The following MAPK8IP3 variants were observed in gnomAD, a reference collection of about 807,000 sequenced individuals.
MAPK8IP3 encodes C-Jun-amino-terminal kinase-interacting protein 3.
Under a neutral mutation model 157.8 loss-of-function variants are expected in MAPK8IP3, and 49 were observed. The observed-to-expected ratio is 0.31, with a 90% CI of 0.25 to 0.39. The LOEUF (loss-of-function observed/expected upper bound fraction) is 0.39. MAPK8IP3 is among the 10% of genes least tolerant of loss of function. The pLI is 1.00. For synonymous variants in MAPK8IP3, 897 were observed against 777.7 expected, an observed-to-expected ratio of 1.15 and a Z score of -2.55; for missense variants, 1,478 against 1,889.4, an observed-to-expected ratio of 0.78 and a Z score of 4.04.
At chr16:1,728,495 G>A (rs2039052410) in intron 2 of MAPK8IP3, among the ~76,000 whole-genome samples, 1 of 152,234 alleles carries the variant, frequency 6.6e-6, no homozygotes, top group South Asian at 2.1e-4. Context: ...AGCACAGAGA[G>A]CGCCTGTGGG....
rs534887060 is a variant in MAPK8IP3, at chr16:1,724,365, A to G, written c.319-192A>G. ...TCCCGCCCTGCCCTCATGGCTCCTC[A>G]CTGTGCCTGAGGAGGGTGGTGGCCA... is the stretch of plus-strand genomic sequence containing the variant. On this transcript the variant is annotated intron_variant, in intron 1 of 31. Coordinates refer to ENST00000610761, the MANE Select transcript of MAPK8IP3 (RefSeq NM_001318852.2). The surrounding 1 kb of genome is among the most constrained non-coding windows in gnomAD (Gnocchi z 4.1). 6.6e-6 allele frequency among the ~76,000 whole-genome samples: 1 copy of G among 152,266 alleles called. No individual in the cohort carries two copies. The highest frequency in any genetic ancestry group is 2.1e-4 in the South Asian group (1 of 4,830).
chr16:1,730,610 A>G (rs1251498946), intron 4 of MAPK8IP3, among the ~76,000 whole-genome samples: 1 of 151,736 alleles, frequency 6.6e-6, no homozygotes, highest in East Asian at 1.9e-4. Context: ...TTGGGAGGGC[A>G]AGGAGGGCGG....
Position 1,765,986 on chromosome 16 carries a change from G to T in MAPK8IP3, c.2473G>T (p.Gly825Trp). 1.2e-6 allele frequency: 2 copies of T among 1,612,534 alleles called. No homozygotes were observed. The highest frequency in any genetic ancestry group is 8.5e-7 in the Non-Finnish European group (1 of 1,179,828). Residue 825 changes from glycine to tryptophan, a missense_variant, in exon 21 of 32, where the codon GGG (glycine) becomes TGG (tryptophan). Coordinates refer to ENST00000610761, the MANE Select transcript of MAPK8IP3 (RefSeq NM_001318852.2). The part of the protein sequence containing the change: ...PAASDSDYPP[G>W]EMFLDSDVNP... Reference sequence around the variant, plus strand: ...GGCCAGCGACAGCGACTACCCTCCCGGGGAGATGTTCCTGGACAGCGACGT... The same window carrying T: ...GGCCAGCGACAGCGACTACCCTCCCTGGGAGATGTTCCTGGACAGCGACGT...
intron 4 of MAPK8IP3, among the ~76,000 whole-genome samples, chr16:1,739,554 C>A (rs1369817036): frequency 1.1e-5 from 1 of 93,202 alleles, no homozygotes; most frequent in Non-Finnish European, 2.1e-5. Context: ...GTGTGAGCAT[C>A]TGTGTGACCG....
chr16:1,731,471 A>G (rs1159948485), intron 4 of MAPK8IP3, among the ~76,000 whole-genome samples: 1 of 152,168 alleles, frequency 6.6e-6, no homozygotes, highest in Non-Finnish European at 1.5e-5. Context: ...TTCACCTCCT[A>G]CCCAGATGCC....
At position 1,768,613 on chromosome 16, in the gene MAPK8IP3, C is replaced by T. The variant is rs1309334365; in HGVS notation, c.3879C>T (p.Ile1293=). 11 of 1,596,820 alleles carry T rather than the reference C, an allele frequency of 6.9e-6. No individual in the cohort carries two copies. Among genetic ancestry groups the T allele is most frequent in the East Asian group, 2.3e-5 (1 of 44,218 alleles). Residue 1293 remains isoleucine, a synonymous_variant, in exon 31 of 32, where the codon ATC becomes ATT. Coordinates refer to ENST00000610761, the MANE Select transcript of MAPK8IP3 (RefSeq NM_001318852.2). The stretch of plus-strand genomic sequence containing the variant: ...TGCTGAGCGGCGGGGAGGGCTACAT[C>T]GACTTCCGCATTGGTGAGCGGGGCC... The part of the protein sequence containing the change: ...VLVLSGGEGY[I]DFRIGDGEDD...
intron 2 of MAPK8IP3, among the ~76,000 whole-genome samples, chr16:1,726,285 T>C (rs2038874275): frequency 2.6e-5 from 4 of 152,192 alleles, no homozygotes; most frequent in Non-Finnish European, 4.4e-5. Flanking sequence ...TGCCTTTCCA[T>C]AATTACAGAG....
intron 8 of MAPK8IP3, among the ~76,000 whole-genome samples, chr16:1,752,941 C>G (rs1186966138): frequency 6.6e-6 from 1 of 152,204 alleles, no homozygotes; most frequent in Non-Finnish European, 1.5e-5. Flanking sequence ...ATGTCCAGCT[C>G]AGCTGCAGAA....
rs371913796 is a variant in MAPK8IP3, at chr16:1,768,859, G to T, written c.*35G>T. ...CCTGCCTGGCCCGACCTGTACATAG[G>T]ACCCCCGACCACCTGACCCCCGCCC... On this transcript the variant is annotated 3_prime_UTR_variant, in exon 32 of 32. Transcript: ENST00000610761. The T allele has an allele frequency of 1.7e-5, 28 of 1,603,214 alleles. No individual in the cohort carries two copies. In the African/African-American group the frequency reaches 3.5e-4, roughly 20 times the overall value.
chr16:1,726,078 G>C (rs2038859770), intron 2 of MAPK8IP3, among the ~76,000 whole-genome samples: 2 of 152,208 alleles, frequency 1.3e-5, no homozygotes, highest in Admixed American at 6.5e-5. Context: ...GATCAAATTT[G>C]GGAAAGAAAC....
chr16:1,761,204 C>T lies in MAPK8IP3; in HGVS notation c.1458-20C>T, dbSNP rs759597096. 1 of 1,609,010 alleles carries T rather than the reference C, an allele frequency of 6.2e-7. No homozygotes were observed. Among genetic ancestry groups the T allele is most frequent in the Admixed American group, 1.7e-5 (1 of 60,014 alleles). Reference sequence around the variant, plus strand: ...CCCTGGGAGGCCCTCACCCTCCCTGCCTCCTTCCCCTTCCCACAGAGTGAA... The same window carrying T: ...CCCTGGGAGGCCCTCACCCTCCCTGTCTCCTTCCCCTTCCCACAGAGTGAA... On this transcript the variant is annotated intron_variant, in intron 12 of 31. Transcript: ENST00000610761.
At chr16:1,733,273 C>A (rs901068492) in intron 4 of MAPK8IP3, among the ~76,000 whole-genome samples, 1 of 152,174 alleles carries the variant, frequency 6.6e-6, no homozygotes, top group Non-Finnish European at 1.5e-5. Context: ...GTGCCCAGCT[C>A]ATCCCAGATC....
In MAPK8IP3 at chr16:1,743,428, C is replaced by G; in HGVS notation, c.699C>G (p.His233Gln). 6.2e-7 allele frequency: 1 copy of G among 1,609,778 alleles called. No homozygotes were observed. The highest frequency in any genetic ancestry group is 8.5e-7 in the Non-Finnish European group (1 of 1,178,576). The change falls in exon 5 of 32, where the codon CAC (histidine) becomes CAG (glutamine). Residue 233 changes from histidine (H) to glutamine (Q), a missense_variant. Transcript: ENST00000610761. This position sits in a 1 kb window ranked among gnomAD's most constrained non-coding sequence, Gnocchi z 5.6. ...GCAAGCTCGTGCCTGCGGGGGACCACTGGCACCTGAGTGACCTCGGCCAGC... is the reference window on the plus strand; with the variant it reads ...GCAAGCTCGTGCCTGCGGGGGACCAGTGGCACCTGAGTGACCTCGGCCAGC... ...IGGKLVPAGD[H>Q]WHLSDLGQLQ...
At chr16:1,765,377 C>T (rs1397700329) in intron 20 of MAPK8IP3, among the ~76,000 whole-genome samples, 199 bp downstream of exon 20, 5 of 152,196 alleles carry the variant, frequency 3.3e-5, no homozygotes, top group Non-Finnish European at 7.3e-5. Context: ...GCGGCAGCCT[C>T]GGCCTCTTCT....
chr16:1,767,282 G>A lies in MAPK8IP3; in HGVS notation c.3222G>A (p.Lys1074=), dbSNP rs753393740. Residue 1074 remains lysine, a synonymous_variant, in exon 26 of 32, where the codon AAG becomes AAA. Coordinates refer to ENST00000610761, the MANE Select transcript of MAPK8IP3 (RefSeq NM_001318852.2). Reference sequence around the variant, plus strand: ...ACAAGGTGCACGTCATCCAGCCCAAGACCATGCAGATAGAGGCGAGTGCCG... The same window carrying A: ...ACAAGGTGCACGTCATCCAGCCCAAAACCATGCAGATAGAGGCGAGTGCCG... The part of the protein sequence containing the change: ...YKNKVHVIQP[K]TMQIEKSFDA... 1.9e-6 allele frequency: 3 copies of A among 1,613,268 alleles called. No homozygotes were observed. The highest frequency in any genetic ancestry group is 2.5e-6 in the Non-Finnish European group (3 of 1,179,996).
intron 26 of MAPK8IP3, 23 bp downstream of exon 26, chr16:1,767,320 G>A (rs1456304718): frequency 6.2e-7 from 1 of 1,611,946 alleles, no homozygotes; most frequent in Non-Finnish European, 8.5e-7. Context: ...CAGGGCCCCG[G>A]GGAGGGGAAG....
At chr16:1,748,813 T>A (rs776889640) in intron 8 of MAPK8IP3, 93 bp downstream of exon 8, 5 of 1,155,220 alleles carry the variant, frequency 4.3e-6, no homozygotes, top group Non-Finnish European at 6.6e-6. Context: ...AAGTCCTCTG[T>A]CAGCTGTGAG....
Position 1,760,323 on chromosome 16 carries a change from C to T in MAPK8IP3, c.1305-57C>T, listed in dbSNP as rs542439684. ...AAGTGCAGGCGCCCCTGGCAAGGCC[C>T]CTTCACGTACCTGTATGCCGCGCCC... On this transcript the variant is annotated intron_variant, in intron 11 of 31. Transcript: ENST00000610761. 3 of 1,562,368 alleles carry T rather than the reference C, an allele frequency of 1.9e-6. No homozygotes were observed. In the African/African-American group the frequency reaches 4.1e-5, roughly 21 times the overall value.
At chr16:1,767,447 G>A in intron 26 of MAPK8IP3, 117 bp from the exon 27 acceptor site, 2 of 1,503,802 alleles carry the variant, frequency 1.3e-6, no homozygotes, top group Non-Finnish European at 1.8e-6. Flanking sequence ...GCGCAAAGCA[G>A]GCGCTGGCTG....
Sources: gnomAD v4.1 joint callset for allele counts (sites outside exome capture counted in the v4.1 genomes callset) on GRCh38, gnomAD v4.1.1 for gene constraint, Gnocchi (gnomAD v3.1) non-coding constraint, MANE v1.5 for transcripts, NCBI Gene and HGNC (gene_info 2026-07-23, HGNC 2026-07-21) for gene names.